The following B4GALT6 variants were observed in gnomAD, a reference collection of about 807,000 sequenced individuals.
B4GALT6 encodes the protein UDP-Gal:beta-GlcNAc beta-1,4-galactosyltransferase 6.
In B4GALT6, 14 loss-of-function variants were observed where a neutral mutation model predicts 46.3. The observed-to-expected ratio is 0.30, with a 90% confidence interval of 0.20 to 0.47. The LOEUF is 0.47. B4GALT6 is among the 20% of genes least tolerant of loss of function. The pLI, the probability that B4GALT6 is intolerant of heterozygous loss-of-function variation, is 0.99. For synonymous variants in B4GALT6, 168 were observed against 162.0 expected, an observed-to-expected ratio of 1.04 and a Z score of -0.28; for missense variants, 386 against 480.1, an observed-to-expected ratio of 0.80 and a Z score of 1.83.
At chr18:31,681,402 T>C (rs1020046266) in intron 1 of B4GALT6, among the ~76,000 whole-genome samples, 5 of 152,192 alleles carry the variant, frequency 3.3e-5, no homozygotes, top group Admixed American at 2.0e-4. Context: ...GGACTTCCTA[T>C]GGTGTGGTGA....
intron 2 of B4GALT6, among the ~76,000 whole-genome samples, chr18:31,659,794 T>A (rs1246493401): frequency 6.6e-6 from 1 of 152,080 alleles, no homozygotes; most frequent in African/African-American, 2.4e-5. Context: ...AGAAATTCAG[T>A]GAACATTAAT....
intron 1 of B4GALT6, among the ~76,000 whole-genome samples, chr18:31,678,944 C>G (rs1188752307): frequency 6.6e-6 from 1 of 152,238 alleles, no homozygotes; most frequent in Non-Finnish European, 1.5e-5. Context: ...GAGAAACAGG[C>G]TTTCCACAGG....
chr18:31,700,435 T>TGTGTGTGTGTGTGTG, the B4GALT6 span, among the ~76,000 whole-genome samples: 13 of 139,468 alleles, frequency 9.3e-5, no homozygotes, highest in African/African-American at 3.1e-4. Context: ...AATTGACTAT[T>TGTGTGTGTGTGTGTG]TGTGTGTGTG....
chr18:31,704,386 T>C, the B4GALT6 span, among the ~76,000 whole-genome samples: 6,078 of 152,074 alleles, frequency 0.04, 276 homozygotes, highest in African/African-American at 0.11. Flanking sequence ...TTTATTTTTG[T>C]ATTTTTAGTA....
intron 2 of B4GALT6, 55 bp from the exon 3 acceptor site, chr18:31,658,144 C>G: frequency 7.7e-7 from 1 of 1,297,976 alleles, no homozygotes; most frequent in East Asian, 2.3e-5. Context: ...TTGCTTTCTC[C>G]CTGGAATGAA....
chr18:31,696,078 GGAGA>G, the B4GALT6 span, among the ~76,000 whole-genome samples: 1 of 152,118 alleles, frequency 6.6e-6, no homozygotes, highest in South Asian at 2.1e-4. Context: ...TGGGAAACAT[GGAGA>G]GAGAGTTAGA....
At chr18:31,665,897 A>G (rs2074276590) in intron 2 of B4GALT6, among the ~76,000 whole-genome samples, 1 of 152,268 alleles carries the variant, frequency 6.6e-6, no homozygotes, top group Non-Finnish European at 1.5e-5. Flanking sequence ...CAACTTAGGA[A>G]CTAGAATGAA....
intron 5 of B4GALT6, among the ~76,000 whole-genome samples, 159 bp downstream of exon 5, chr18:31,638,485 C>G (rs2073889973): frequency 6.6e-6 from 1 of 152,128 alleles, no homozygotes; most frequent in Non-Finnish European, 1.5e-5. Context: ...CGAGATCGCG[C>G]CACTGCATTC....
At chr18:31,709,597 GTGTGTGTA>G in the B4GALT6 span, among the ~76,000 whole-genome samples, 64 of 60,494 alleles carry the variant, frequency 1.1e-3, 1 homozygote, top group African/African-American at 2.3e-3. Flanking sequence ...GTGTGTGTGT[GTGTGTGTA>G]TATATATATC....
chr18:31,684,583 A>G, upstream of B4GALT6: 1 of 1,371,918 alleles, frequency 7.3e-7, no homozygotes, highest in Non-Finnish European at 9.5e-7. Context: ...GGAAAAGAGG[A>G]AATGGGAGGG....
At chr18:31,697,890 T>C in the B4GALT6 span, among the ~76,000 whole-genome samples, 3 of 152,244 alleles carry the variant, frequency 2.0e-5, no homozygotes, top group African/African-American at 7.2e-5. Flanking sequence ...TAATTTTCTA[T>C]CACTATTACA....
At chr18:31,631,635 AT>A (rs2144511107) in intron 5 of B4GALT6, among the ~76,000 whole-genome samples, 1 of 152,338 alleles carries the variant, frequency 6.6e-6, no homozygotes, top group Non-Finnish European at 1.5e-5. Flanking sequence ...GTCATTAAAA[AT>A]AATATAAGTT....
At chr18:31,648,596 A>C (rs2074021641) in intron 3 of B4GALT6, among the ~76,000 whole-genome samples, 1 of 152,214 alleles carries the variant, frequency 6.6e-6, no homozygotes, top group Non-Finnish European at 1.5e-5. Context: ...CCTAATGCTG[A>C]ATTTGCAAGA....
chr18:31,707,685 A>C, the B4GALT6 span, among the ~76,000 whole-genome samples: 1 of 152,172 alleles, frequency 6.6e-6, no homozygotes, highest in Admixed American at 6.5e-5. Context: ...GCTCCTAGGC[A>C]GTTTCTTATT....
the B4GALT6 span, among the ~76,000 whole-genome samples, chr18:31,691,438 C>T: frequency 1.3e-5 from 2 of 150,990 alleles, no homozygotes; most frequent in Non-Finnish European, 2.9e-5. Flanking sequence ...AGGCGAATGA[C>T]TCACAAAAGC....
chr18:31,660,498 C>A (rs1406562804), intron 2 of B4GALT6, among the ~76,000 whole-genome samples: 1 of 151,492 alleles, frequency 6.6e-6, no homozygotes, highest in Admixed American at 6.6e-5. Context: ...ACTTATTTAT[C>A]TTCAATATTC....
chr18:31,701,420 A>C, the B4GALT6 span, among the ~76,000 whole-genome samples: 1 of 152,204 alleles, frequency 6.6e-6, no homozygotes. Flanking sequence ...CAGAACCCTG[A>C]GCCAATTAAA....
chr18:31,695,945 A>C, the B4GALT6 span, among the ~76,000 whole-genome samples: 6 of 152,256 alleles, frequency 3.9e-5, no homozygotes, highest in Non-Finnish European at 5.9e-5. Flanking sequence ...AAGAGGAAGA[A>C]AAAGAACATG....
chr18:31,701,987 A>G, the B4GALT6 span, among the ~76,000 whole-genome samples: 9 of 152,208 alleles, frequency 5.9e-5, no homozygotes, highest in Admixed American at 5.2e-4. Context: ...AGAATATATT[A>G]CATAATATTT....
Sources: allele counts gnomAD v4.1 joint callset (sites outside exome capture counted in the v4.1 genomes callset), GRCh38; gene constraint gnomAD v4.1.1; transcripts MANE v1.5; gene names NCBI Gene and HGNC (gene_info 2026-07-23, HGNC 2026-07-21).